The following PAFAH1B1 variants were observed in gnomAD, a reference collection of about 807,000 sequenced individuals.
The protein encoded by PAFAH1B1 is platelet-activating factor acetylhydrolase IB subunit beta.
Under a neutral mutation model 57.5 loss-of-function variants are expected in PAFAH1B1, and 2 were observed. The observed-to-expected ratio is 0.03, with a 90% CI of 0.01 to 0.11. The LOEUF (loss-of-function observed/expected upper bound fraction) is 0.11, where lower values mean the gene tolerates loss of function less well. Among genes scored for constraint, PAFAH1B1 ranks in the 10% least tolerant of loss-of-function variants. The pLI is 1.00. For synonymous variants in PAFAH1B1, 152 were observed against 169.6 expected (o/e 0.90, Z 0.81); for missense variants, 257 against 512.0 (o/e 0.50, Z 4.81).
At chr17:2,677,711 G>A (rs1000123451) in intron 9 of PAFAH1B1, among the ~76,000 whole-genome samples, 1 of 151,852 alleles carries the variant, frequency 6.6e-6, no homozygotes, top group Non-Finnish European at 1.5e-5. Flanking sequence ...AAAATTAGCC[G>A]GGCATCCTGG....
intron 1 of PAFAH1B1, among the ~76,000 whole-genome samples, chr17:2,600,107 G>A (rs920622820): frequency 3.1e-4 from 46 of 150,268 alleles, no homozygotes; most frequent in African/African-American, 1.0e-3. Flanking sequence ...AGTCTCCCGA[G>A]TAGCTGGGAC....
intron 1 of PAFAH1B1, among the ~76,000 whole-genome samples, chr17:2,629,175 GAGGTGTGACCTTA>G (rs933151858): frequency 1.8e-4 from 27 of 151,984 alleles, no homozygotes; most frequent in African/African-American, 6.5e-4. Flanking sequence ...CTAGTTCCTT[GAGGTGTGACCTTA>G]GATTGTCTGT....
chr17:2,663,951 C>T (rs2069057137), intron 2 of PAFAH1B1, among the ~76,000 whole-genome samples: 1 of 152,044 alleles, frequency 6.6e-6, no homozygotes, highest in African/African-American at 2.4e-5. Flanking sequence ...CCTCGGGCTC[C>T]CAAAGTGCTG....
intron 9 of PAFAH1B1, among the ~76,000 whole-genome samples, chr17:2,678,584 GAAAC>G (rs2069312673): frequency 6.6e-6 from 1 of 151,218 alleles, no homozygotes; most frequent in African/African-American, 2.4e-5. Context: ...AAAAAGAAAA[GAAAC>G]AAGAAAAACA....
At chr17:2,644,010 A>T (rs2068733271) in intron 2 of PAFAH1B1, among the ~76,000 whole-genome samples, 1 of 152,138 alleles carries the variant, frequency 6.6e-6, no homozygotes. Context: ...CTGGGACTGC[A>T]GGCTCCCGCC....
At chr17:2,656,983 G>A (rs2068944424) in intron 2 of PAFAH1B1, among the ~76,000 whole-genome samples, 1 of 152,022 alleles carries the variant, frequency 6.6e-6, no homozygotes. Flanking sequence ...GTGCAGTGGC[G>A]CAGCCTGGGC....
intron 1 of PAFAH1B1, among the ~76,000 whole-genome samples, chr17:2,608,090 CT>C (rs1005742407): frequency 8.2e-5 from 12 of 146,832 alleles, no homozygotes; most frequent in Non-Finnish European, 1.1e-4. Context: ...TTTTCTTTTT[CT>C]TTTTTTTTTG....
In PAFAH1B1 at chr17:2,593,748, G is replaced by A. The variant is rs2068049404; in HGVS notation, c.-449G>A. 1.1e-5 allele frequency: 4 copies of A among 377,490 alleles called. No individual in the cohort carries two copies. Among genetic ancestry groups the A allele is most frequent in the African/African-American group, 6.3e-5 (3 of 47,840 alleles). 23.4% of individuals were successfully genotyped at this position (377,490 alleles called of 1,614,324 possible). On this transcript the variant is annotated 5_prime_UTR_variant, in exon 1 of 11. Coordinates refer to ENST00000397195, the MANE Select transcript of PAFAH1B1 (RefSeq NM_000430.4). ...GCAGCGACACGGGAGTCTAGGGAGC[G>A]AGAAGGAGAAGGAGGGGAGCGCTCG...
intron 2 of PAFAH1B1, among the ~76,000 whole-genome samples, chr17:2,643,555 T>C (rs1597546625): frequency 1.5e-5 from 1 of 65,994 alleles, no homozygotes; most frequent in Admixed American, 1.3e-4. Flanking sequence ...CACACCTGGC[T>C]TTTTTTTTTT....
At position 2,683,577 on chromosome 17, in the gene PAFAH1B1, T is replaced by C. The variant is rs991742736; in HGVS notation, c.*1775T>C. 6.6e-6 allele frequency: 1 copy of C among 152,276 alleles called. No individual in the cohort carries two copies. The highest frequency in any genetic ancestry group is 6.5e-5 in the Admixed American group (1 of 15,272). 9.4% of individuals were successfully genotyped at this position (152,276 alleles called of 1,614,324 possible). ...TTGTGTCTTTTTGTTTGTTTGCTTG[T>C]TTGTTTTTAGATTCCTGAGAGATGT... On this transcript the variant is annotated 3_prime_UTR_variant, in exon 11 of 11. Coordinates refer to ENST00000397195, the MANE Select transcript of PAFAH1B1 (RefSeq NM_000430.4).
chr17:2,597,058 CA>C (rs2068090867), intron 1 of PAFAH1B1, among the ~76,000 whole-genome samples: 1 of 151,996 alleles, frequency 6.6e-6, no homozygotes, highest in Non-Finnish European at 1.5e-5. Flanking sequence ...AAGACTCTGT[CA>C]AAAACAAACA....
rs150284591 is a variant in PAFAH1B1, at chr17:2,664,032, G to C, written c.33-1340G>C. Among the ~76,000 whole-genome samples, 1,491 of 151,330 alleles carry C rather than the reference G, an allele frequency of 9.9e-3. 28 individuals are homozygous for C. The highest frequency in any genetic ancestry group is 0.033 in the African/African-American group (1,370 of 41,242). On this transcript the variant is annotated intron_variant, in intron 2 of 10. Coordinates refer to ENST00000397195, the MANE Select transcript of PAFAH1B1 (RefSeq NM_000430.4). ...TCTGACCTTGTGATTTGCCCGCCTC[G>C]GCCTCCCAAAGTGCTGGGATTACAG...
chr17:2,664,665 G>GCGCT lies in PAFAH1B1; in HGVS notation c.33-706_33-705insGCTC. Among the ~76,000 whole-genome samples, 209 of 86,030 alleles carry GCGCT rather than the reference G, an allele frequency of 2.4e-3. 1 individual carries two copies. The highest frequency in any genetic ancestry group is 0.014 in the Middle Eastern group (2 of 148). The allele number at this position is 86,030 out of a possible 152,430, so 56.4% of individuals were successfully genotyped here. The stretch of plus-strand genomic sequence containing the variant: ...TGATATATATCTATATCTATCTATC[G>GCGCT]CTCTCTCTCTCTCTCTCTCTCTCTC... On this transcript the variant is annotated intron_variant, in intron 2 of 10. Coordinates refer to ENST00000397195, the MANE Select transcript of PAFAH1B1 (RefSeq NM_000430.4).
chr17:2,628,316 A>G (rs2068517147), intron 1 of PAFAH1B1, among the ~76,000 whole-genome samples: 1 of 152,192 alleles, frequency 6.6e-6, no homozygotes, highest in African/African-American at 2.4e-5. Context: ...CTTTTTCTAC[A>G]TCTATTGAGA....
chr17:2,663,953 A>G (rs972768212), intron 2 of PAFAH1B1, among the ~76,000 whole-genome samples: 1 of 152,158 alleles, frequency 6.6e-6, no homozygotes, highest in Non-Finnish European at 1.5e-5. Context: ...TCGGGCTCCC[A>G]AAGTGCTGAG....
At chr17:2,662,427 G>GTGTGTGT (rs2069030350) in intron 2 of PAFAH1B1, among the ~76,000 whole-genome samples, 1 of 91,752 alleles carries the variant, frequency 1.1e-5, no homozygotes, top group African/African-American at 3.9e-5. Context: ...TGTGTGTGAC[G>GTGTGTGT]GAGTTTCACT....
At chr17:2,646,094 G>T (rs2068764526) in intron 2 of PAFAH1B1, among the ~76,000 whole-genome samples, 1 of 151,896 alleles carries the variant, frequency 6.6e-6, no homozygotes, top group African/African-American at 2.4e-5. Flanking sequence ...TTCAATTTAA[G>T]GATAAGAACG....
At chr17:2,621,669 A>C in intron 1 of PAFAH1B1, among the ~76,000 whole-genome samples, 1 of 107,810 alleles carries the variant, frequency 9.3e-6, no homozygotes, top group African/African-American at 3.8e-5. Flanking sequence ...TCTGTTGCCC[A>C]GGCTGGAGTG....
In PAFAH1B1 at chr17:2,649,524, G is replaced by A. The variant is rs900976257; in HGVS notation, c.32+11204G>A. On this transcript the variant is annotated intron_variant, in intron 2 of 10. Transcript: ENST00000397195. ...GGGAGGCGGGGAGGTTGCAGTGAGC[G>A]GATGTCGTGCCACTGCACTCCAGCC... Among the ~76,000 whole-genome samples, 6 of 146,118 alleles carry A rather than the reference G, an allele frequency of 4.1e-5. No individual in the cohort carries two copies. The East Asian group carries it at 6.4e-4, about 15-fold the overall frequency.
Sources: gnomAD v4.1 joint callset for allele counts (sites outside exome capture counted in the v4.1 genomes callset) on GRCh38, gnomAD v4.1.1 for gene constraint, MANE v1.5 for transcripts, NCBI Gene and HGNC (gene_info 2026-07-23, HGNC 2026-07-21) for gene names.